Variants in DYNC2H1 observed in about 807,000 individuals in gnomAD.
The protein encoded by DYNC2H1 is dynein cytoplasmic 2 heavy chain 1.
In DYNC2H1, 410 loss-of-function variants were observed where a neutral mutation model predicts 570.0. The observed-to-expected ratio is 0.72, with a 90% CI of 0.66 to 0.78. The LOEUF (loss-of-function observed/expected upper bound fraction) is 0.78. DYNC2H1 is among the 30% of genes least tolerant of loss of function. The pLI, the probability that DYNC2H1 is intolerant of heterozygous loss-of-function variation, is 0.00. For missense variants in DYNC2H1, 4,865 were observed against 5,046.4 expected, an observed-to-expected ratio of 0.96 and a Z score of 1.09; for synonymous variants, 1,688 against 1,677.6, an observed-to-expected ratio of 1.01 and a Z score of -0.15.
chr11:103,373,095 C>A (rs1022311715), intron 83 of DYNC2H1, among the ~76,000 whole-genome samples: 7 of 152,098 alleles, frequency 4.6e-5, no homozygotes, highest in Non-Finnish European at 1.0e-4. Context: ...AGTCGTGCAC[C>A]ACCATATTAG....
At chr11:103,135,974 T>C (rs771132558) in intron 17 of DYNC2H1, 26 bp downstream of exon 17, 1 of 1,486,278 alleles carries the variant, frequency 6.7e-7, no homozygotes, top group Non-Finnish European at 9.0e-7. Context: ...TGTTCCATCC[T>C]TCCATCATAA....
chr11:103,263,022 C>CAAAAAAAAAA (rs35912109), intron 70 of DYNC2H1, among the ~76,000 whole-genome samples: 19 of 39,966 alleles, frequency 4.8e-4, no homozygotes, highest in South Asian at 1.3e-3. Context: ...AAATGGAAAG[C>CAAAAAAAAAA]AAAAAAAAAA....
chr11:103,288,143 A>G, intron 75 of DYNC2H1, among the ~76,000 whole-genome samples: 1 of 151,404 alleles, frequency 6.6e-6, no homozygotes, highest in East Asian at 2.0e-4. Flanking sequence ...AGATGTTCAG[A>G]CTCTTGCAGC....
chr11:103,321,598 A>C (rs1345062884), intron 81 of DYNC2H1, among the ~76,000 whole-genome samples: 2 of 152,316 alleles, frequency 1.3e-5, no homozygotes, highest in East Asian at 3.9e-4. Context: ...ATATGAAAGA[A>C]GACAAATATT....
intron 83 of DYNC2H1, among the ~76,000 whole-genome samples, chr11:103,361,470 C>T (rs1252122382): frequency 1.4e-5 from 2 of 143,870 alleles, no homozygotes; most frequent in African/African-American, 4.9e-5. Context: ...TTTGTTATAG[C>T]AACCAGAACA....
At position 103,109,443 on chromosome 11, in the gene DYNC2H1, C is replaced by A; in HGVS notation, c.-132C>A. 1 of 890,290 alleles carries A rather than the reference C, an allele frequency of 1.1e-6. No homozygotes were observed. Among genetic ancestry groups the A allele is most frequent in the Non-Finnish European group, 1.6e-6 (1 of 608,716 alleles). 55.1% of individuals were successfully genotyped at this position (890,290 alleles called of 1,614,324 possible). ...CCGTCGCCATAGCGACTACCCCTGG[C>A]AACCGCGAAGCTCTGCGGTCCCGCG... is the stretch of plus-strand genomic sequence containing the variant. On this transcript the variant is annotated 5_prime_UTR_variant, in exon 1 of 89. Coordinates refer to ENST00000375735, the MANE Select transcript of DYNC2H1 (RefSeq NM_001377.3).
At chr11:103,240,555 T>C (rs1864388626) in intron 63 of DYNC2H1, among the ~76,000 whole-genome samples, 1 of 152,170 alleles carries the variant, frequency 6.6e-6, no homozygotes, top group African/African-American at 2.4e-5. Flanking sequence ...TCATTCTTAC[T>C]ATGTCTCTTT....
intron 75 of DYNC2H1, among the ~76,000 whole-genome samples, chr11:103,293,362 G>A (rs974281959): frequency 6.6e-6 from 1 of 151,812 alleles, no homozygotes; most frequent in Non-Finnish European, 1.5e-5. Context: ...TTTGTCCTTG[G>A]CCTTTAAGAG....
intron 28 of DYNC2H1, among the ~76,000 whole-genome samples, chr11:103,160,062 A>G (rs905424287): frequency 1.3e-5 from 2 of 152,126 alleles, no homozygotes; most frequent in African/African-American, 2.4e-5. Flanking sequence ...ATTTGTAACT[A>G]TGATTTGGGC....
intron 80 of DYNC2H1, among the ~76,000 whole-genome samples, chr11:103,320,466 T>A (rs571818789): frequency 3.3e-5 from 5 of 152,342 alleles, no homozygotes; most frequent in African/African-American, 1.2e-4. Context: ...TTCTCTTCTA[T>A]TAAAATAGAA....
At position 103,208,170 on chromosome 11, in the gene DYNC2H1, G is replaced by A. The variant is rs374115307; in HGVS notation, c.8455-1706G>A. On this transcript the variant is annotated intron_variant, in intron 52 of 88. Coordinates refer to ENST00000375735, the MANE Select transcript of DYNC2H1 (RefSeq NM_001377.3). Reference sequence around the variant, plus strand: ...CTGACAAAAGGTTGGTGGCTAAGAGGAGAAGAGGCAACCAAGGAATTGAGA... The same window carrying A: ...CTGACAAAAGGTTGGTGGCTAAGAGAAGAAGAGGCAACCAAGGAATTGAGA... Among the ~76,000 whole-genome samples, 12 of 152,262 alleles carry A rather than the reference G, an allele frequency of 7.9e-5. 1 individual carries two copies. The highest frequency in any genetic ancestry group is 2.9e-4 in the African/African-American group (12 of 41,542).
intron 30 of DYNC2H1, 103 bp from the exon 31 acceptor site, chr11:103,165,794 CA>C: frequency 1.2e-6 from 1 of 842,342 alleles, no homozygotes; most frequent in Non-Finnish European, 1.7e-6. Flanking sequence ...TGGAGAGATC[CA>C]ATATACAATT....
chr11:103,416,167 G>A (rs566523058), intron 84 of DYNC2H1, among the ~76,000 whole-genome samples: 1 of 152,296 alleles, frequency 6.6e-6, no homozygotes, highest in South Asian at 2.1e-4. Context: ...GGGGGCTGAG[G>A]GAGGGATAGC....
chr11:103,287,713 T>C, intron 75 of DYNC2H1, 108 bp downstream of exon 75: 1 of 880,634 alleles, frequency 1.1e-6, no homozygotes, highest in East Asian at 2.8e-5. Context: ...AATGTCTCTT[T>C]TATTCATTCT....
At chr11:103,233,529 G>A (rs769313997) in intron 60 of DYNC2H1, among the ~76,000 whole-genome samples, 2 of 151,920 alleles carry the variant, frequency 1.3e-5, no homozygotes, top group African/African-American at 2.4e-5. Context: ...TTTAGTGGTA[G>A]ATGTTAGAGG....
At chr11:103,212,086 C>G (rs1863178876) in intron 54 of DYNC2H1, 143 bp downstream of exon 54, 2 of 1,061,966 alleles carry the variant, frequency 1.9e-6, no homozygotes, top group South Asian at 8.5e-5. Context: ...GTCTCACTTT[C>G]CTACCTATAT....
intron 86 of DYNC2H1, among the ~76,000 whole-genome samples, chr11:103,455,938 C>T (rs533518524): frequency 3.3e-4 from 50 of 152,124 alleles, no homozygotes; most frequent in Non-Finnish European, 6.5e-4. Context: ...TGTATTGCTT[C>T]AGGCTATTAT....
chr11:103,264,238 A>G lies in DYNC2H1; in HGVS notation c.10695+4261A>G, dbSNP rs1865423599. On this transcript the variant is annotated intron_variant, in intron 70 of 88. Transcript: ENST00000375735. The surrounding 1 kb of genome is among the most constrained non-coding windows in gnomAD (Gnocchi z 4.8). ...ATAGCCTACCAACCAAAAAAAGCCC[A>G]GGGTCAGATGGATTCACAGCCAAAT... 1.3e-5 allele frequency among the ~76,000 whole-genome samples: 2 copies of G among 152,194 alleles called. No individual in the cohort carries two copies.
chr11:103,123,869 G>T (rs1476787480), intron 11 of DYNC2H1, among the ~76,000 whole-genome samples: 1 of 151,306 alleles, frequency 6.6e-6, no homozygotes, highest in African/African-American at 2.4e-5. Context: ...AGAATCATCA[G>T]TGTGTTTTTG....
Sources: gnomAD v4.1 joint callset for allele counts (sites outside exome capture counted in the v4.1 genomes callset) on GRCh38, gnomAD v4.1.1 for gene constraint, Gnocchi (gnomAD v3.1) non-coding constraint, MANE v1.5 for transcripts, NCBI Gene and HGNC (gene_info 2026-07-23, HGNC 2026-07-21) for gene names.